Variants in CP observed in about 807,000 individuals in gnomAD.
CP encodes caeruloplasmin.
In CP, 64 loss-of-function variants were observed where a neutral mutation model predicts 122.4. That is an observed-to-expected ratio of 0.52 (90% CI 0.43 to 0.64). CP has a LOEUF of 0.64. Ranked by LOEUF, CP falls within the 30% of genes least tolerant of loss-of-function variation. The pLI, the probability that CP is intolerant of heterozygous loss-of-function variation, is 0.00. For synonymous variants in CP, 440 were observed against 436.4 expected (o/e 1.01, Z -0.10); for missense variants, 1,167 against 1,284.4 (o/e 0.91, Z 1.40).
At chr3:149,191,402 T>C (rs1244611599) in intron 9 of CP, among the ~76,000 whole-genome samples, 1 of 152,106 alleles carries the variant, frequency 6.6e-6, no homozygotes, top group East Asian at 1.9e-4. Context: ...TTATTTGTCT[T>C]ATTTACCAGT....
At chr3:149,216,911 T>TA (rs1220217000) in intron 1 of CP, among the ~76,000 whole-genome samples, 3 of 151,440 alleles carry the variant, frequency 2.0e-5, no homozygotes, top group African/African-American at 4.9e-5. Context: ...TTTTTTTTTT[T>TA]TTTTTTTGAG....
intron 4 of CP, 24 bp downstream of exon 4, chr3:149,209,187 T>C (rs968756520): frequency 5.6e-6 from 9 of 1,613,140 alleles, no homozygotes; most frequent in African/African-American, 5.3e-5. Context: ...AAAAGTAAAG[T>C]TAACATGTCT....
In CP at chr3:149,177,969, T is replaced by C. The variant is rs573220047; in HGVS notation, c.2889A>G (p.Gly963=). The change falls in exon 17 of 19, where the codon GGA becomes GGG. Residue 963 remains glycine (G), a synonymous_variant. Coordinates refer to ENST00000264613, the MANE Select transcript of CP (RefSeq NM_000096.4). ...GGCCTTGTAGGTTTCCAAACATTCTTCCATTAATAGCTAGGGAAAGCATAT... is the reference window on the plus strand; with the variant it reads ...GGCCTTGTAGGTTTCCAAACATTCTCCCATTAATAGCTAGGGAAAGCATAT... ...IESNKMHAIN[G]RMFGNLQGLT... The C allele has an allele frequency of 6.2e-7, 1 of 1,613,532 alleles. No homozygotes were observed. The highest frequency in any genetic ancestry group is 1.7e-5 in the Admixed American group (1 of 60,012).
rs972371394 is a variant in CP at position 149,209,175 on chromosome 3, A to T, written c.781+36T>A. The T allele has an allele frequency of 8.7e-6, 14 of 1,613,120 alleles. 1 individual carries two copies. Among genetic ancestry groups the T allele is most frequent in the Admixed American group, 3.3e-5 (2 of 60,004 alleles). ...TAGCAGAATTAATGGATCAAGGGAA[A>T]AAAAAGTAAAGTTAACATGTCTGCT... On this transcript the variant is annotated intron_variant, in intron 4 of 18. Coordinates refer to ENST00000264613, the MANE Select transcript of CP (RefSeq NM_000096.4).
At chr3:149,171,698 CTTTTTT>C (rs1170000443), downstream of CP, among the ~76,000 whole-genome samples, 1 of 118,264 alleles carries the variant, frequency 8.5e-6, no homozygotes. Flanking sequence ...GAACTGGCTT[CTTTTTT>C]TTTTTTTTTT....
chr3:149,212,777 A>C, intron 1 of CP, 79 bp from the exon 2 acceptor site: 1 of 1,488,926 alleles, frequency 6.7e-7, no homozygotes, highest in South Asian at 1.2e-5. Context: ...TAATAACATT[A>C]TAATTAGAGA....
At chr3:149,169,385 T>C (rs57620295), downstream of CP, among the ~76,000 whole-genome samples, 17,354 of 152,198 alleles carry the variant, frequency 0.11, 1,121 homozygotes, top group African/African-American at 0.18. Context: ...GTCGTGAGAC[T>C]AAATGAGAAG....
At chr3:149,202,034 A>G (rs1005194788) in intron 7 of CP, 68 bp downstream of exon 7, 2 of 1,599,306 alleles carry the variant, frequency 1.3e-6, no homozygotes, top group African/African-American at 2.7e-5. Context: ...TGAAGTTACT[A>G]TTCTTTCTGA....
chr3:149,202,340 C>T (rs1576766279), intron 6 of CP, 99 bp from the exon 7 acceptor site: 1 of 1,451,214 alleles, frequency 6.9e-7, no homozygotes, highest in East Asian at 2.3e-5. Context: ...CTGACCAGTG[C>T]TTAGAGATGA....
At position 149,202,106 on chromosome 3, in the gene CP, G is replaced by A. The variant is rs375573569; in HGVS notation, c.1344C>T (p.Ile448=). The A allele has an allele frequency of 3.1e-6, 5 of 1,613,892 alleles. No individual in the cohort carries two copies. Among genetic ancestry groups the A allele is most frequent in the African/African-American group, 2.7e-5 (2 of 74,902 alleles). Residue 448 remains isoleucine, a synonymous_variant, in exon 7 of 19, where the codon ATC becomes ATT. Transcript: ENST00000264613. ...ERGPEEEHLG[I]LGPVIWAEVG... ...ATATATTCTGCAAGAACTCACCCAG[G>A]ATGCCAAGATGCTCTTCTTCAGGGC...
intron 10 of CP, among the ~76,000 whole-genome samples, 183 bp from the exon 11 acceptor site, chr3:149,186,915 C>T (rs147005416): frequency 6.6e-5 from 10 of 152,264 alleles, no homozygotes; most frequent in Middle Eastern, 3.4e-3. Flanking sequence ...TCAGAGCAGC[C>T]GCTGGCTGAA....
At chr3:149,215,087 T>C (rs537159489) in intron 1 of CP, among the ~76,000 whole-genome samples, 79 of 152,362 alleles carry the variant, frequency 5.2e-4, no homozygotes, top group African/African-American at 1.8e-3. Context: ...GAGACTTTAC[T>C]CCATGCTTTA....
At chr3:149,194,966 C>A (rs1171424333) in intron 9 of CP, among the ~76,000 whole-genome samples, 1 of 152,036 alleles carries the variant, frequency 6.6e-6, no homozygotes, top group Non-Finnish European at 1.5e-5. Context: ...AGAATAAAGA[C>A]CAGCAGAACA....
chr3:149,196,277 T>G (rs192926295), intron 9 of CP, among the ~76,000 whole-genome samples: 1 of 152,146 alleles, frequency 6.6e-6, no homozygotes, highest in Non-Finnish European at 1.5e-5. Context: ...AAATATAAGA[T>G]TGATGCAGTT....
chr3:149,163,744 A>C (rs767307426), intron 5 of CP: 23 of 721,396 alleles, frequency 3.2e-5, no homozygotes, highest in Non-Finnish European at 4.7e-5. Context: ...TAATTCTATG[A>C]CATGGCAGAG....
At chr3:149,184,568 G>A (rs35716500) in intron 12 of CP, among the ~76,000 whole-genome samples, 7,962 of 152,212 alleles carry the variant, frequency 0.052, 491 homozygotes, top group African/African-American at 0.16. Flanking sequence ...GTGGGATGAT[G>A]GAGAGGAAAG....
chr3:149,185,795 G>A (rs142082843), intron 11 of CP, among the ~76,000 whole-genome samples: 197 of 151,984 alleles, frequency 1.3e-3, no homozygotes, highest in African/African-American at 4.3e-3. Context: ...ATTTTTCTTT[G>A]TGTACTTATA....
At position 149,183,606 on chromosome 3, in the gene CP, C is replaced by CT; in HGVS notation, c.2286-2dup. 6.5e-7 allele frequency: 1 copy of CT among 1,537,884 alleles called. No homozygotes were observed. Among genetic ancestry groups the CT allele is most frequent in the Non-Finnish European group, 8.8e-7 (1 of 1,135,718 alleles). ...CTTATCTAAAAATGCATTTGAAACA[C>CT]TTAAAAAAAAAAACAACTAAGGTTA... is the stretch of plus-strand genomic sequence containing the variant. On this transcript the variant is annotated splice_acceptor_variant, in intron 12 of 18. Coordinates refer to ENST00000264613, the MANE Select transcript of CP (RefSeq NM_000096.4). LOFTEE classifies it high-confidence loss of function.
intron 9 of CP, among the ~76,000 whole-genome samples, chr3:149,189,942 CTG>C (rs1232574740): frequency 6.6e-6 from 1 of 152,098 alleles, no homozygotes; most frequent in Non-Finnish European, 1.5e-5. Context: ...TAAGTAATGT[CTG>C]TGAGCATGCT....
Sources: gnomAD v4.1 joint callset for allele counts (sites outside exome capture counted in the v4.1 genomes callset) on GRCh38, gnomAD v4.1.1 for gene constraint, MANE v1.5 for transcripts, NCBI Gene and HGNC (gene_info 2026-07-23, HGNC 2026-07-21) for gene names.